The following MYCT1 variants were observed in gnomAD, a reference collection of about 807,000 sequenced individuals.
MYCT1 encodes the protein MYC target 1.
A neutral mutation model predicts 15.0 loss-of-function variants in MYCT1; 12 were observed. That is an observed-to-expected ratio of 0.80 (90% CI 0.51 to 1.29). MYCT1 has a LOEUF of 1.29. MYCT1 is among the 50% of genes most tolerant of loss of function. MYCT1 has a pLI of 0.00. For synonymous variants in MYCT1, 104 were observed against 102.7 expected, an observed-to-expected ratio of 1.01 and a Z score of -0.07; for missense variants, 287 against 279.1, an observed-to-expected ratio of 1.03 and a Z score of -0.20.
intron 1 of MYCT1, chr6:152,706,146 T>C (rs1414493190): frequency 5.8e-6 from 8 of 1,383,858 alleles, no homozygotes; most frequent in East Asian, 4.7e-5. Flanking sequence ...AATAGTGCTT[T>C]ACCTTTATTA....
intron 1 of MYCT1, among the ~76,000 whole-genome samples, chr6:152,700,426 A>G (rs1360971190): frequency 6.6e-6 from 1 of 152,150 alleles, no homozygotes; most frequent in Non-Finnish European, 1.5e-5. Flanking sequence ...TTTTCCCAAT[A>G]TAACTTTTCT....
chr6:152,747,118 G>A, the MYCT1 span, among the ~76,000 whole-genome samples: 1 of 151,584 alleles, frequency 6.6e-6, no homozygotes, highest in Admixed American at 6.6e-5. Context: ...AATTGAAAGT[G>A]TTTATATATA....
the MYCT1 span, among the ~76,000 whole-genome samples, chr6:152,746,285 G>T: frequency 2.0e-5 from 3 of 152,284 alleles, no homozygotes; most frequent in East Asian, 5.8e-4. Context: ...TGAAACCACT[G>T]ACAGCACCTA....
intron 1 of MYCT1, among the ~76,000 whole-genome samples, chr6:152,704,481 A>G (rs1238022918): frequency 6.6e-6 from 1 of 152,214 alleles, no homozygotes; most frequent in Non-Finnish European, 1.5e-5. Flanking sequence ...TTTTTATCAC[A>G]TAATTGTACA....
At chr6:152,729,001 A>G (rs2099726115), downstream of MYCT1, among the ~76,000 whole-genome samples, 1 of 152,232 alleles carries the variant, frequency 6.6e-6, no homozygotes. Flanking sequence ...TCAAGAATCA[A>G]GAACAACATG....
intron 1 of MYCT1, among the ~76,000 whole-genome samples, chr6:152,699,464 T>C (rs2099720954): frequency 6.6e-6 from 1 of 152,132 alleles, no homozygotes; most frequent in South Asian, 2.1e-4. Flanking sequence ...AAAGAAAGGC[T>C]TTGGTAATAG....
chr6:152,725,282 A>G (rs2099725456), downstream of MYCT1, among the ~76,000 whole-genome samples: 1 of 152,208 alleles, frequency 6.6e-6, no homozygotes, highest in East Asian at 1.9e-4. Flanking sequence ...TATGGAAAAT[A>G]CTCAGTTGTA....
At chr6:152,705,965 C>G (rs1056598320) in intron 1 of MYCT1, 1 of 784,754 alleles carries the variant, frequency 1.3e-6, no homozygotes, top group Non-Finnish European at 2.3e-6. Flanking sequence ...CAATTATTGA[C>G]CCAACAAAGA....
At chr6:152,730,353 C>T in the MYCT1 span, among the ~76,000 whole-genome samples, 6 of 152,134 alleles carry the variant, frequency 3.9e-5, no homozygotes, top group Admixed American at 6.6e-5. Flanking sequence ...TGGCCATTGT[C>T]GAAATGACAC....
At chr6:152,719,116 G>A (rs1583975178) in intron 1 of MYCT1, among the ~76,000 whole-genome samples, 1 of 152,024 alleles carries the variant, frequency 6.6e-6, no homozygotes, top group South Asian at 2.1e-4. Flanking sequence ...ATTTTCAAAA[G>A]CTTGTTTTAG....
chr6:152,715,678 G>C (rs1212013052), intron 1 of MYCT1, among the ~76,000 whole-genome samples: 1 of 152,148 alleles, frequency 6.6e-6, no homozygotes, highest in African/African-American at 2.4e-5. Context: ...TTTAGGTGGA[G>C]CAGCCAGGGT....
chr6:152,704,426 T>TA (rs1460469921), intron 1 of MYCT1, among the ~76,000 whole-genome samples: 1 of 152,224 alleles, frequency 6.6e-6, no homozygotes, highest in Admixed American at 6.6e-5. Flanking sequence ...GTCTTGAAGT[T>TA]ACGTAAATCT....
the MYCT1 span, among the ~76,000 whole-genome samples, chr6:152,732,644 A>G: frequency 6.6e-6 from 1 of 152,228 alleles, no homozygotes; most frequent in Non-Finnish European, 1.5e-5. Flanking sequence ...AAGTTTTCAA[A>G]TATAGATTCA....
chr6:152,739,630 C>A, the MYCT1 span, among the ~76,000 whole-genome samples: 1 of 151,820 alleles, frequency 6.6e-6, no homozygotes, highest in Non-Finnish European at 1.5e-5. Flanking sequence ...CTATTCATAT[C>A]GTTTCTCCTT....
At chr6:152,713,906 G>A (rs1030705727) in intron 1 of MYCT1, among the ~76,000 whole-genome samples, 1 of 152,124 alleles carries the variant, frequency 6.6e-6, no homozygotes, top group East Asian at 1.9e-4. Flanking sequence ...GAAAACTGGA[G>A]CTTGACTAGT....
At position 152,722,010 on chromosome 6, in the gene MYCT1, C is replaced by T; in HGVS notation, c.465C>T (p.Ser155=). 7 of 1,614,188 alleles carry T rather than the reference C, an allele frequency of 4.3e-6. No homozygotes were observed. Among genetic ancestry groups the T allele is most frequent in the Non-Finnish European group, 5.9e-6 (7 of 1,180,032 alleles). The change falls in exon 2 of 2, where the codon TCC becomes TCT. Residue 155 remains serine, a synonymous_variant. Transcript: ENST00000367245. The part of the protein sequence containing the change: ...QRQASLEQAN[S]FPRKSSFRAS... ...AAGCTTCCCTGGAACAAGCAAATTCCTTTCCAAGAAAATCAAGTTTCAGAG... is the reference window on the plus strand; with the variant it reads ...AAGCTTCCCTGGAACAAGCAAATTCTTTTCCAAGAAAATCAAGTTTCAGAG...
chr6:152,736,838 G>T, the MYCT1 span, among the ~76,000 whole-genome samples: 60 of 152,182 alleles, frequency 3.9e-4, 1 homozygote, highest in Non-Finnish European at 7.8e-4. Context: ...AGGGTGGTTT[G>T]TACTTCCTCT....
At chr6:152,740,820 A>T in the MYCT1 span, among the ~76,000 whole-genome samples, 1 of 152,174 alleles carries the variant, frequency 6.6e-6, no homozygotes, top group South Asian at 2.1e-4. Flanking sequence ...ATTTATAGAT[A>T]TATTTTTCTT....
At chr6:152,725,389 A>G (rs2099725477), downstream of MYCT1, among the ~76,000 whole-genome samples, 2 of 152,224 alleles carry the variant, frequency 1.3e-5, no homozygotes, top group Non-Finnish European at 2.9e-5. Context: ...TGTTACTACT[A>G]AGAAAGTGCC....
Sources: gnomAD v4.1 joint callset for allele counts (sites outside exome capture counted in the v4.1 genomes callset) on GRCh38, gnomAD v4.1.1 for gene constraint, MANE v1.5 for transcripts, NCBI Gene and HGNC (gene_info 2026-07-23, HGNC 2026-07-21) for gene names.